MRPS24: variants seen among roughly 807,000 people sequenced by gnomAD.
MRPS24 encodes mitochondrial ribosomal protein S24, also known as small ribosomal subunit protein uS3m.
In MRPS24, 15 loss-of-function variants were observed where a neutral mutation model predicts 21.8. That is an observed-to-expected ratio of 0.69 (90% CI 0.46 to 1.06). The LOEUF (loss-of-function observed/expected upper bound fraction) is 1.06. Ranked by LOEUF, MRPS24 falls within the 50% of genes least tolerant of loss-of-function variation. MRPS24 has a pLI of 0.00. For synonymous variants in MRPS24, 93 were observed against 93.7 expected (o/e 0.99, Z 0.04); for missense variants, 224 against 219.1 (o/e 1.02, Z -0.14).
In MRPS24 at chr7:43,866,591, G is replaced by C. The variant is rs868360500; in HGVS notation, c.*108C>G. 3.2e-6 allele frequency: 4 copies of C among 1,265,756 alleles called. No individual in the cohort carries two copies. The highest frequency in any genetic ancestry group is 3.0e-5 in the African/African-American group (2 of 67,182). The allele number at this position is 1,265,756 out of a possible 1,614,324, so 78.4% of individuals were successfully genotyped here. ...AAGGTCTTTATTCAATAGCAGATGA[G>C]AGACTATGCCTCAGTCCTCTGAGGG... is the stretch of plus-strand genomic sequence containing the variant. On this transcript the variant is annotated 3_prime_UTR_variant, in exon 4 of 4. Transcript: ENST00000317534.
Position 43,869,487 on chromosome 7 carries a change from G to C in MRPS24, c.9C>G (p.Ala3=), listed in dbSNP as rs533438697. ...GCCCCAGCAACCCGCTGCACACGGA[G>C]GCCGCCATCTTGGGCCAAGCGGAGC... is the stretch of plus-strand genomic sequence containing the variant. The part of the protein sequence containing the change: MA[A]SVCSGLLGPR... The change falls in exon 1 of 4, where the codon GCC becomes GCG. Residue 3 remains alanine, a synonymous_variant. Coordinates refer to ENST00000317534, the MANE Select transcript of MRPS24 (RefSeq NM_032014.3). This position sits in a 1 kb window ranked among gnomAD's most constrained non-coding sequence, Gnocchi z 4.8. 17 of 1,569,560 alleles carry C rather than the reference G, an allele frequency of 1.1e-5. No individual in the cohort carries two copies. The South Asian group carries it at 1.9e-4, about 17-fold the overall frequency.
rs936582412 is a variant in MRPS24, at chr7:43,869,420, T to C, written c.39+37A>G. On this transcript the variant is annotated intron_variant, in intron 1 of 3. Transcript: ENST00000317534. This position sits in a 1 kb window ranked among gnomAD's most constrained non-coding sequence, Gnocchi z 4.8. ...TGAGGCGGAAACTAGGGACCCCACCTCCGACTCGCAGGGACCTGCCGAGTC... is the reference window on the plus strand; with the variant it reads ...TGAGGCGGAAACTAGGGACCCCACCCCCGACTCGCAGGGACCTGCCGAGTC... 1.3e-6 allele frequency: 2 copies of C among 1,552,222 alleles called. No individual in the cohort carries two copies. Among genetic ancestry groups the C allele is most frequent in the African/African-American group, 2.7e-5 (2 of 73,054 alleles).
chr7:43,869,188 A>T lies in MRPS24; in HGVS notation c.109-114T>A. The T allele has an allele frequency of 6.8e-7, 1 of 1,474,886 alleles. No individual in the cohort carries two copies. Among genetic ancestry groups the T allele is most frequent in the African/African-American group, 1.4e-5 (1 of 71,546 alleles). The allele number at this position is 1,474,886 out of a possible 1,614,324, so 91.4% of individuals were successfully genotyped here. Reference sequence around the variant, plus strand: ...CCCGGCCCCAATCCCCTGATCCCTAAGCCCCGACCCTAGCCCCGCCTCGGA... The same window carrying T: ...CCCGGCCCCAATCCCCTGATCCCTATGCCCCGACCCTAGCCCCGCCTCGGA... On this transcript the variant is annotated intron_variant, in intron 2 of 3. Transcript: ENST00000317534. The surrounding 1 kb of genome is among the most constrained non-coding windows in gnomAD (Gnocchi z 4.8).
chr7:43,867,368 G>A (rs2095837177), intron 3 of MRPS24, among the ~76,000 whole-genome samples: 1 of 152,036 alleles, frequency 6.6e-6, no homozygotes, highest in Admixed American at 6.5e-5. Flanking sequence ...TGAGATTAGG[G>A]ACATGAGCTA....
intron 3 of MRPS24, 95 bp from the exon 4 acceptor site, chr7:43,867,077 C>T: frequency 7.7e-7 from 1 of 1,298,546 alleles, no homozygotes; most frequent in Non-Finnish European, 1.1e-6. Flanking sequence ...TGAGCACAAT[C>T]CCACCCTTCA....
rs201573379 is a variant in MRPS24 at position 43,868,976 on chromosome 7, C to T, written c.207G>A (p.Leu69=). 3 of 1,613,976 alleles carry T rather than the reference C, an allele frequency of 1.9e-6. No individual in the cohort carries two copies. The highest frequency in any genetic ancestry group is 3.3e-5 in the Admixed American group (2 of 60,030). The part of the protein sequence containing the change: ...PHYIAHRKGW[L]SLHTGNLDGE... ...GGGTCCGCTCACCTGTGTGCAGCGA[C>T]AGCCAGCCTTTACGGTGGGCGATGT... Residue 69 remains leucine, a synonymous_variant, in exon 3 of 4, where the codon CTG becomes CTA. Transcript: ENST00000317534.
chr7:43,866,850 T>G lies in MRPS24; in HGVS notation c.353A>C (p.Glu118Ala), dbSNP rs780651480. ...LVLKRRGNQL[E>A]ICAVVLRQLS... ...CTGCCTCAGGACCACGGCACAGATC[T>G]CCAACTGGTTACCCCGGCGCTTTAA... Residue 118 changes from glutamate (E) to alanine (A), a missense_variant, in exon 4 of 4, where the codon GAG (glutamate) becomes GCG (alanine). Glu to Ala is a moderately radical substitution (Grantham distance 107). Coordinates refer to ENST00000317534, the MANE Select transcript of MRPS24 (RefSeq NM_032014.3). 2 of 1,614,194 alleles carry G rather than the reference T, an allele frequency of 1.2e-6. No individual in the cohort carries two copies. The highest frequency in any genetic ancestry group is 3.3e-5 in the Admixed American group (2 of 60,030).
intron 3 of MRPS24, 72 bp from the exon 4 acceptor site, chr7:43,867,054 C>T (rs1168896449): frequency 2.6e-6 from 4 of 1,517,502 alleles, no homozygotes; most frequent in African/African-American, 2.7e-5. Context: ...CCAGAGTCAA[C>T]ATCCAAAAGC....
chr7:43,866,921 C>T lies in MRPS24; in HGVS notation c.282G>A (p.Lys94=). ...AGCCTGGGAAGGTACCCCACATGAA[C>T]TTGCGAAGGAAAACATCCTCCACCG... ...ERTVEDVFLR[K]FMWGTFPGCL... is the part of the protein sequence containing the mutation. Residue 94 remains lysine (K), a synonymous_variant, in exon 4 of 4, where the codon AAG becomes AAA. Transcript: ENST00000317534. 6.2e-7 allele frequency: 1 copy of T among 1,614,204 alleles called. No individual in the cohort carries two copies. Among genetic ancestry groups the T allele is most frequent in the African/African-American group, 1.3e-5 (1 of 75,056 alleles).
chr7:43,868,815 T>C (rs2095838429), intron 3 of MRPS24, 148 bp downstream of exon 3: 1 of 1,049,216 alleles, frequency 9.5e-7, no homozygotes, highest in Non-Finnish European at 1.3e-6. Flanking sequence ...TATATATCTC[T>C]GCTTTTTTAT....
At position 43,869,264 on chromosome 7, in the gene MRPS24, C is replaced by T; in HGVS notation, c.108+44G>A. On this transcript the variant is annotated intron_variant, in intron 2 of 3. Transcript: ENST00000317534. This position sits in a 1 kb window ranked among gnomAD's most constrained non-coding sequence, Gnocchi z 4.8. ...CGCACGGCTTCCCCGGCCCCCGGCC[C>T]CCCGGCCCCCAGGCCCCCAGGCCCC... The T allele has an allele frequency of 7.1e-7, 1 of 1,413,854 alleles. No homozygotes were observed. The highest frequency in any genetic ancestry group is 9.4e-7 in the Non-Finnish European group (1 of 1,064,706). 87.6% of individuals were successfully genotyped at this position (1,413,854 alleles called of 1,614,324 possible).
chr7:43,867,119 G>A (rs1249710115), intron 3 of MRPS24, 137 bp from the exon 4 acceptor site: 6 of 849,534 alleles, frequency 7.1e-6, no homozygotes, highest in African/African-American at 5.1e-5. Context: ...TTCTGCTAAT[G>A]GAATAAGAAA....
rs2095839070 is a variant in MRPS24 at position 43,869,363 on chromosome 7, C to T, written c.53G>A (p.Ser18Asn). 1.3e-6 allele frequency: 2 copies of T among 1,549,648 alleles called. No homozygotes were observed. Among genetic ancestry groups the T allele is most frequent in the Non-Finnish European group, 8.7e-7 (1 of 1,146,754 alleles). The change falls in exon 2 of 4, where the codon AGC (serine) becomes AAC (asparagine). Residue 18 changes from serine (S) to asparagine (N), a missense_variant. Ser to Asn is a conservative substitution (Grantham distance 46). Transcript: ENST00000317534. This position sits in a 1 kb window ranked among gnomAD's most constrained non-coding sequence, Gnocchi z 4.8. ...GCGCCAAGCGCAAGGCAGCTCTCGG[C>T]TCCAGGACAGCACCTGTGGAGGGAG... ...GLLGPRVLSW[S>N]RELPCAWRAL...
chr7:43,867,409 G>A (rs1037398773), intron 3 of MRPS24: 1 of 195,702 alleles, frequency 5.1e-6, no homozygotes, highest in East Asian at 1.3e-4. Context: ...GGGTTCCTCA[G>A]TGTGAACTGT....
intron 3 of MRPS24, chr7:43,868,344 G>A (rs2095838049): frequency 6.6e-6 from 1 of 152,208 alleles, no homozygotes; most frequent in South Asian, 2.1e-4. Context: ...CAGTACGAGA[G>A]CTGAAACTAG....
chr7:43,868,029 A>G lies in MRPS24; in HGVS notation c.220+934T>C, dbSNP rs112906443. 2.6e-5 allele frequency: 4 copies of G among 152,170 alleles called. No individual in the cohort carries two copies. In the East Asian group the frequency reaches 7.7e-4, roughly 29 times the overall value. The allele number at this position is 152,170 out of a possible 1,614,324, so 9.4% of individuals were successfully genotyped here. A position where few individuals can be genotyped will look rare whatever the true frequency, so the allele number is the denominator to read the frequency against. ...ATTCCTTTCAGCCTCTGGGCACCGT[A>G]TTTTTGTTAACAAATCAATACATAA... is the stretch of plus-strand genomic sequence containing the variant. On this transcript the variant is annotated intron_variant, in intron 3 of 3. Transcript: ENST00000317534.
chr7:43,868,146 T>C (rs935129106), intron 3 of MRPS24: 1 of 152,182 alleles, frequency 6.6e-6, no homozygotes, highest in Admixed American at 6.5e-5. Flanking sequence ...GAGCAACTCA[T>C]GACTGAAGAA....
rs186777506 is a variant in MRPS24, at chr7:43,867,361, G to A, written c.221-379C>T. On this transcript the variant is annotated intron_variant, in intron 3 of 3. Transcript: ENST00000317534. ...AGATGAGGCTACCAGCTATTTTTGA[G>A]ATTAGGGACATGAGCTAGGCCCAGG... is the stretch of plus-strand genomic sequence containing the variant. Among the ~76,000 whole-genome samples the A allele has an allele frequency of 1.2e-4, 19 of 152,112 alleles. No homozygotes were observed. In the East Asian group the frequency reaches 2.9e-3, roughly 23 times the overall value.
At position 43,866,778 on chromosome 7, in the gene MRPS24, A is replaced by G. The variant is rs1303502770; in HGVS notation, c.425T>C (p.Leu142Ser). The G allele has an allele frequency of 3.1e-6, 5 of 1,614,118 alleles. No homozygotes were observed. Among genetic ancestry groups the G allele is most frequent in the Non-Finnish European group, 3.4e-6 (4 of 1,180,054 alleles). The change falls in exon 4 of 4, where the codon TTG (leucine) becomes TCG (serine). Residue 142 changes from leucine to serine, a missense_variant. Coordinates refer to ENST00000317534, the MANE Select transcript of MRPS24 (RefSeq NM_032014.3). ...YYFLVGYSET[L>S]LSYFYKCPVR... The stretch of plus-strand genomic sequence containing the variant: ...AGGACATTTGTAAAAGTAGGACAGC[A>G]AAGTTTCACTGTAGCCCACGAGGAA...
Sources: allele counts gnomAD v4.1 joint callset (sites outside exome capture counted in the v4.1 genomes callset), GRCh38; gene constraint gnomAD v4.1.1; non-coding constraint Gnocchi (gnomAD v3.1); transcripts MANE v1.5; gene names NCBI Gene and HGNC (gene_info 2026-07-23, HGNC 2026-07-21).